The following TF variants were observed in gnomAD, a reference collection of about 807,000 sequenced individuals.
TF encodes the protein serotransferrin.
A neutral mutation model predicts 82.4 loss-of-function variants in TF; 55 were observed. The ratio of observed to expected loss-of-function variants is 0.67; its 90% CI spans 0.54 to 0.84. The LOEUF is 0.84. Ranked by LOEUF, TF falls within the 40% of genes least tolerant of loss-of-function variation. The pLI, the probability that TF is intolerant of heterozygous loss-of-function variation, is 0.00. For synonymous variants in TF, 332 were observed against 332.6 expected (o/e 1.00, Z 0.02); for missense variants, 737 against 868.4 (o/e 0.85, Z 1.90).
the TF span, among the ~76,000 whole-genome samples, chr3:133,734,304 C>T: frequency 2.0e-5 from 3 of 152,180 alleles, no homozygotes; most frequent in Admixed American, 6.5e-5. Context: ...TTACGTCCGT[C>T]ACCTTAGAGA....
the TF span, among the ~76,000 whole-genome samples, chr3:133,730,487 C>G: frequency 6.6e-6 from 1 of 152,094 alleles, no homozygotes; most frequent in African/African-American, 2.4e-5. Flanking sequence ...TTTTCTATAC[C>G]AGGAGAGTCA....
At chr3:133,716,994 G>A in the TF span, among the ~76,000 whole-genome samples, 1 of 152,130 alleles carries the variant, frequency 6.6e-6, no homozygotes, top group Admixed American at 6.5e-5. Flanking sequence ...GGATTTCTCA[G>A]GGCAGACTTT....
the TF span, among the ~76,000 whole-genome samples, chr3:133,677,876 A>AATACTTTAAGTTCTGGG: frequency 6.6e-6 from 1 of 151,932 alleles, no homozygotes; most frequent in Non-Finnish European, 1.5e-5. Context: ...TTTTTATTAT[A>AATACTTTAAGTTCTGGG]ATACTTTAAG....
chr3:133,774,852 A>T, intron 14 of TF: 1 of 219,602 alleles, frequency 4.6e-6, no homozygotes, highest in Non-Finnish European at 8.4e-6. Context: ...AAACCCTAAG[A>T]ATGGGTGAGT....
Position 133,755,427 on chromosome 3 carries a change from G to GT in TF, c.568dup (p.Cys190LeufsTer13). The GT allele has an allele frequency of 6.2e-7, 1 of 1,614,248 alleles. No homozygotes were observed. ...CGGATGGGACGGACTTCCCCCAGCT[G>GT]TGTCAACTGTGTCCAGGGTGTGGCT... On this transcript the variant is annotated frameshift_variant, in exon 5 of 17. Transcript: ENST00000402696. LOFTEE classifies it high-confidence loss of function.
the TF span, among the ~76,000 whole-genome samples, chr3:133,733,265 A>AC: frequency 2.0e-4 from 31 of 151,950 alleles, no homozygotes; most frequent in Non-Finnish European, 1.5e-4. Flanking sequence ...CACCTGGGAG[A>AC]GGGGCCTGTG....
In TF at chr3:133,790,956, G is replaced by A. The variant is rs895544737; in HGVS notation, c.*12336G>A. 1.3e-5 allele frequency: 2 copies of A among 151,988 alleles called. No individual in the cohort carries two copies. Among genetic ancestry groups the A allele is most frequent in the African/African-American group, 4.8e-5 (2 of 41,360 alleles). 9.4% of individuals were successfully genotyped at this position (151,988 alleles called of 1,614,324 possible). ...GGTAGATTGAGAAGGAAAAATTTAG[G>A]GTTGGGTTCCTATTTGTTTTTGCTT... On this transcript the variant is annotated 3_prime_UTR_variant, in exon 17 of 17. Coordinates refer to ENST00000402696, the MANE Select transcript of TF (RefSeq NM_001063.4).
At chr3:133,747,566 G>A (rs1933538673) in intron 1 of TF, among the ~76,000 whole-genome samples, 1 of 152,186 alleles carries the variant, frequency 6.6e-6, no homozygotes, top group Non-Finnish European at 1.5e-5. Context: ...TTGGGGACAG[G>A]GCAAAAGCTC....
chr3:133,764,124 G>C (rs889874881), intron 9 of TF, 58 bp from the exon 10 acceptor site: 9 of 1,490,844 alleles, frequency 6.0e-6, no homozygotes, highest in South Asian at 1.1e-5. Flanking sequence ...AGCTGGAAAA[G>C]TGGGTGGCAC....
intron 14 of TF, 159 bp from the exon 15 acceptor site, chr3:133,775,274 A>T: frequency 1.4e-6 from 1 of 735,492 alleles, no homozygotes; most frequent in South Asian, 1.5e-5. Flanking sequence ...TGTAGACCAC[A>T]TGGGTGTCTC....
chr3:133,751,353 C>T (rs1441971388), intron 2 of TF, among the ~76,000 whole-genome samples: 1 of 151,296 alleles, frequency 6.6e-6, no homozygotes, highest in Admixed American at 6.6e-5. Flanking sequence ...CTGCCTCAGC[C>T]TCCCGTGTAG....
upstream of TF, among the ~76,000 whole-genome samples, chr3:133,745,050 T>A (rs762282650): frequency 6.6e-6 from 1 of 152,194 alleles, no homozygotes; most frequent in African/African-American, 2.4e-5. Context: ...ATGTGCCCAG[T>A]TAAACGGATG....
rs188248631 is a variant in TF, at chr3:133,749,087, G to A, written c.216+503G>A. 7.9e-5 allele frequency among the ~76,000 whole-genome samples: 12 copies of A among 152,258 alleles called. No individual in the cohort carries two copies. The East Asian group carries it at 2.3e-3, about 29-fold the overall frequency. ...GAGGCAGGAGAATCACTTGAACCGG[G>A]GAGGCAGAGGTTGCAGTGAGCCAAG... is the stretch of plus-strand genomic sequence containing the variant. On this transcript the variant is annotated intron_variant, in intron 2 of 16. Transcript: ENST00000402696.
the TF span, among the ~76,000 whole-genome samples, chr3:133,698,677 C>T: frequency 6.6e-6 from 1 of 152,226 alleles, no homozygotes; most frequent in African/African-American, 2.4e-5. Context: ...GGGGTCCACC[C>T]TATCCCAGTG....
the TF span, among the ~76,000 whole-genome samples, chr3:133,719,706 A>G: frequency 6.6e-6 from 1 of 152,082 alleles, no homozygotes; most frequent in South Asian, 2.1e-4. Context: ...TTTGTGTAGT[A>G]TGGCCATTTT....
intron 1 of TF, among the ~76,000 whole-genome samples, chr3:133,747,444 T>C (rs1173146949): frequency 1.3e-5 from 2 of 152,210 alleles, no homozygotes; most frequent in Non-Finnish European, 2.9e-5. Flanking sequence ...CCCCTCCTCA[T>C]GCATCCTGGA....
At chr3:133,705,034 G>T in the TF span, among the ~76,000 whole-genome samples, 2 of 152,202 alleles carry the variant, frequency 1.3e-5, no homozygotes, top group African/African-American at 4.8e-5. Context: ...CAGCACTTTG[G>T]GACACTGAGG....
chr3:133,754,880 C>A (rs1285816674), intron 4 of TF, among the ~76,000 whole-genome samples: 1 of 152,208 alleles, frequency 6.6e-6, no homozygotes, highest in Non-Finnish European at 1.5e-5. Context: ...CTTCCAAAAC[C>A]CCAGCAGAGG....
chr3:133,694,461 G>A, the TF span: 1 of 152,974 alleles, frequency 6.5e-6, no homozygotes, highest in East Asian at 1.9e-4. Flanking sequence ...TAGAGCATCA[G>A]TGAGAAATCT....
Sources: allele counts gnomAD v4.1 joint callset (sites outside exome capture counted in the v4.1 genomes callset), GRCh38; gene constraint gnomAD v4.1.1; transcripts MANE v1.5; gene names NCBI Gene and HGNC (gene_info 2026-07-23, HGNC 2026-07-21).